MEIS1: variants seen among roughly 807,000 people sequenced by gnomAD.
MEIS1 encodes the protein Meis homeobox 1.
Under a neutral mutation model 50.8 loss-of-function variants are expected in MEIS1, and 5 were observed. That is an observed-to-expected ratio of 0.10 (90% CI 0.05 to 0.21). The LOEUF (loss-of-function observed/expected upper bound fraction) is 0.21. Among genes scored for constraint, MEIS1 ranks in the 10% least tolerant of loss-of-function variants. The probability of loss-of-function intolerance (pLI) is 1.00; values close to 1 mark genes in which losing one functional copy is unlikely to be tolerated. For synonymous variants in MEIS1, 176 were observed against 179.3 expected (o/e 0.98, Z 0.15); for missense variants, 318 against 517.3 (o/e 0.61, Z 3.74).
At chr2:66,458,317 T>C (rs1301699314) in intron 6 of MEIS1, among the ~76,000 whole-genome samples, 1 of 152,150 alleles carries the variant, frequency 6.6e-6, no homozygotes, top group East Asian at 1.9e-4. Flanking sequence ...ACAAACCACC[T>C]GTAAAAATCA....
Position 66,548,035 on chromosome 2 carries a change from T to G in MEIS1, c.965+16T>G, listed in dbSNP as rs1037938806. ...TGAACAATTGGTAAGTAATTTGGCT[T>G]TGTGTTTACACACAATCTGTTTCCC... On this transcript the variant is annotated intron_variant, in intron 9 of 12. Coordinates refer to ENST00000272369, the MANE Select transcript of MEIS1 (RefSeq NM_002398.3). 5.6e-6 allele frequency: 9 copies of G among 1,611,852 alleles called. No homozygotes were observed. The highest frequency in any genetic ancestry group is 7.6e-6 in the Non-Finnish European group (9 of 1,178,666).
At position 66,573,461 on chromosome 2, in the gene MEIS1, G is replaced by A. The variant is rs1675518326; in HGVS notation, c.*2253G>A. On this transcript the variant is annotated 3_prime_UTR_variant, in exon 13 of 13. Coordinates refer to ENST00000272369, the MANE Select transcript of MEIS1 (RefSeq NM_002398.3). ...GGAGGAGAGAGAGCCTTAAACTCAA[G>A]TCTGACATTCAGGCCCAAGTCACCC... is the stretch of plus-strand genomic sequence containing the variant. The A allele has an allele frequency of 6.6e-6, 1 of 152,208 alleles. No individual in the cohort carries two copies. The allele number at this position is 152,208 out of a possible 1,614,324, so 9.4% of individuals were successfully genotyped here. A position where few individuals can be genotyped will look rare whatever the true frequency, so the allele number is the denominator to read the frequency against.
intron 9 of MEIS1, 41 bp downstream of exon 9, chr2:66,548,060 C>T: frequency 6.3e-7 from 1 of 1,591,358 alleles, no homozygotes; most frequent in Non-Finnish European, 8.6e-7. Flanking sequence ...ATCTGTTTCC[C>T]CCTCTGGCAA....
At chr2:66,437,423 G>A in intron 1 of MEIS1, 1 of 357,946 alleles carries the variant, frequency 2.8e-6, no homozygotes, top group Non-Finnish European at 5.2e-6. Context: ...TCTACCCTCG[G>A]GAGAATGCTT....
chr2:66,533,292 C>A (rs1674438787), intron 8 of MEIS1, among the ~76,000 whole-genome samples: 1 of 152,196 alleles, frequency 6.6e-6, no homozygotes, highest in Non-Finnish European at 1.5e-5. Flanking sequence ...GAATGGGCCT[C>A]ACACCTTGAA....
chr2:66,456,235 TACACAC>T (rs3220293), intron 6 of MEIS1, among the ~76,000 whole-genome samples: 4 of 147,616 alleles, frequency 2.7e-5, no homozygotes, highest in South Asian at 2.2e-4. Flanking sequence ...ATGATTTTTA[TACACAC>T]ACACACACAC....
At chr2:66,469,084 G>A (rs970578197) in intron 7 of MEIS1, among the ~76,000 whole-genome samples, 1 of 151,928 alleles carries the variant, frequency 6.6e-6, no homozygotes, top group Admixed American at 6.6e-5. Context: ...GAAATTTGAT[G>A]TAATACATTT....
intron 8 of MEIS1, among the ~76,000 whole-genome samples, chr2:66,535,405 A>G (rs1330931816): frequency 1.3e-5 from 2 of 152,222 alleles, no homozygotes; most frequent in African/African-American, 2.4e-5. Flanking sequence ...CTATTCTTCA[A>G]GTTAACTTTG....
At chr2:66,483,785 A>G (rs1023533842) in intron 7 of MEIS1, among the ~76,000 whole-genome samples, 7 of 152,200 alleles carry the variant, frequency 4.6e-5, no homozygotes, top group African/African-American at 1.4e-4. Flanking sequence ...GTTGAATGGC[A>G]TACCTCTTCT....
chr2:66,470,323 T>C (rs1011828643), intron 7 of MEIS1, among the ~76,000 whole-genome samples: 1 of 152,176 alleles, frequency 6.6e-6, no homozygotes, highest in Non-Finnish European at 1.5e-5. Context: ...GATTTCCTGG[T>C]GGGAAAAGTC....
intron 7 of MEIS1, among the ~76,000 whole-genome samples, chr2:66,492,060 A>G: frequency 6.8e-6 from 1 of 146,228 alleles, no homozygotes; most frequent in Non-Finnish European, 1.5e-5. Flanking sequence ...GAAAAGTGTG[A>G]GCGTTCACTT....
At chr2:66,479,619 G>C (rs1284305561) in intron 7 of MEIS1, among the ~76,000 whole-genome samples, 2 of 152,092 alleles carry the variant, frequency 1.3e-5, no homozygotes, top group African/African-American at 4.8e-5. Flanking sequence ...GTGCCAAAAT[G>C]CTCTTTTTGA....
At chr2:66,448,672 G>A (rs1241963081) in intron 6 of MEIS1, among the ~76,000 whole-genome samples, 2 of 152,104 alleles carry the variant, frequency 1.3e-5, no homozygotes, top group Non-Finnish European at 2.9e-5. Context: ...AATGTGAAAT[G>A]CTAAAGTTTT....
In MEIS1 at chr2:66,520,480, C is replaced by CA. The variant is rs113847646; in HGVS notation, c.888+8197dup. Among the ~76,000 whole-genome samples the CA allele has an allele frequency of 9.9e-4, 129 of 130,790 alleles. 1 individual carries two copies. The highest frequency in any genetic ancestry group is 7.7e-3 in the Middle Eastern group (2 of 260). The allele number at this position is 130,790 out of a possible 152,430, so 85.8% of individuals were successfully genotyped here. ...TGGGTGACAGAGAAAGACTCCGTCT[C>CA]AAAAAAAAAAAGAAAAGCCAGTTTC... On this transcript the variant is annotated intron_variant, in intron 8 of 12. Transcript: ENST00000272369.
intron 1 of MEIS1, 97 bp downstream of exon 1, chr2:66,435,965 CTT>C: frequency 8.6e-7 from 1 of 1,157,790 alleles, no homozygotes; most frequent in Non-Finnish European, 1.2e-6. Flanking sequence ...TTCTCTCTCT[CTT>C]TTAAAAAATG....
chr2:66,443,231 G>C, intron 6 of MEIS1, 183 bp downstream of exon 6: 1 of 618,200 alleles, frequency 1.6e-6, no homozygotes. Flanking sequence ...GCTGGCTCTG[G>C]GATTCGACCT....
intron 8 of MEIS1, among the ~76,000 whole-genome samples, chr2:66,529,882 T>C (rs1674347283): frequency 6.6e-6 from 1 of 152,182 alleles, no homozygotes; most frequent in South Asian, 2.1e-4. Flanking sequence ...ATGCAATTTG[T>C]TAATGCATAG....
At chr2:66,560,908 G>A (rs1675197788) in intron 9 of MEIS1, among the ~76,000 whole-genome samples, 1 of 152,106 alleles carries the variant, frequency 6.6e-6, no homozygotes, top group African/African-American at 2.4e-5. Context: ...TCCTGGAGGA[G>A]GTTAAGAAAC....
At chr2:66,474,474 G>A (rs1672842764) in intron 7 of MEIS1, among the ~76,000 whole-genome samples, 2 of 152,092 alleles carry the variant, frequency 1.3e-5, no homozygotes, top group Admixed American at 6.5e-5. Flanking sequence ...TCTTTATCAT[G>A]GGTGATAGCA....
Sources: gnomAD v4.1 joint callset for allele counts (sites outside exome capture counted in the v4.1 genomes callset) on GRCh38, gnomAD v4.1.1 for gene constraint, MANE v1.5 for transcripts, NCBI Gene and HGNC (gene_info 2026-07-23, HGNC 2026-07-21) for gene names.